Variants in GCLM observed in about 807,000 individuals in gnomAD.
GCLM encodes glutamate--cysteine ligase regulatory subunit.
GCLM carries 15 observed loss-of-function variants against 36.0 expected under a neutral mutation model. The ratio of observed to expected loss-of-function variants is 0.42; its 90% confidence interval spans 0.28 to 0.64. GCLM has a LOEUF of 0.64. Ranked by LOEUF, GCLM falls within the 30% of genes least tolerant of loss-of-function variation. The probability of loss-of-function intolerance (pLI) is 0.25; values close to 1 mark genes in which losing one functional copy is unlikely to be tolerated. For missense variants in GCLM, 242 were observed against 325.5 expected (o/e 0.74, Z 1.97); for synonymous variants, 129 against 122.8 (o/e 1.05, Z -0.34).
chr1:93,887,714 C>T lies in GCLM; in HGVS notation c.*1276G>A, dbSNP rs1243482084. ...CAAACTCCTGACCTCGTGATCTGCCCACCTCGGCCTCCCAAAGTGCTGGGA... is the reference window on the plus strand; with the variant it reads ...CAAACTCCTGACCTCGTGATCTGCCTACCTCGGCCTCCCAAAGTGCTGGGA... On this transcript the variant is annotated 3_prime_UTR_variant, in exon 7 of 7. Coordinates refer to ENST00000370238, the MANE Select transcript of GCLM (RefSeq NM_002061.4). 1.3e-5 allele frequency: 2 copies of T among 151,666 alleles called. No homozygotes were observed. Among genetic ancestry groups the T allele is most frequent in the Admixed American group, 6.6e-5 (1 of 15,244 alleles). 9.4% of individuals were successfully genotyped at this position (151,666 alleles called of 1,614,324 possible). A position where few individuals can be genotyped will look rare whatever the true frequency, so the allele number is the denominator to read the frequency against.
At chr1:93,899,955 T>C (rs957952634) in intron 3 of GCLM, among the ~76,000 whole-genome samples, 2 of 151,774 alleles carry the variant, frequency 1.3e-5, no homozygotes, top group Admixed American at 1.3e-4. Flanking sequence ...ACAAAAAAAA[T>C]CAAAAGAGGA....
At chr1:93,897,796 T>C in intron 4 of GCLM, 43 bp downstream of exon 4, 1 of 1,045,740 alleles carries the variant, frequency 9.6e-7, no homozygotes, top group Non-Finnish European at 1.4e-6. Context: ...CCTATACTAA[T>C]TTAAAGTCCA....
At position 93,904,731 on chromosome 1, in the gene GCLM, C is replaced by T. The variant is rs1267784964; in HGVS notation, c.127-143G>A. ...CATACAAACCCCAATTTTAATCCTACAAGGTTTTTGTTTCCTTCAACATAC... is the reference window on the plus strand; with the variant it reads ...CATACAAACCCCAATTTTAATCCTATAAGGTTTTTGTTTCCTTCAACATAC... On this transcript the variant is annotated intron_variant, in intron 1 of 6. Coordinates refer to ENST00000370238, the MANE Select transcript of GCLM (RefSeq NM_002061.4). 10 of 613,102 alleles carry T rather than the reference C, an allele frequency of 1.6e-5. No homozygotes were observed. The East Asian group carries it at 2.9e-4, about 18-fold the overall frequency. The allele number at this position is 613,102 out of a possible 1,614,324, so 38.0% of individuals were successfully genotyped here.
At chr1:93,903,139 G>C (rs1314461540) in intron 2 of GCLM, among the ~76,000 whole-genome samples, 1 of 151,934 alleles carries the variant, frequency 6.6e-6, no homozygotes, top group Non-Finnish European at 1.5e-5. Flanking sequence ...TCAAATTTTA[G>C]CAATTATGAA....
chr1:93,888,716 T>C lies in GCLM; in HGVS notation c.*274A>G. ...AAATTTTCTTGATTTATATTAGTCA[T>C]AAAAATAAAGGAAAAATATATTGCA... On this transcript the variant is annotated 3_prime_UTR_variant, in exon 7 of 7. Coordinates refer to ENST00000370238, the MANE Select transcript of GCLM (RefSeq NM_002061.4). The C allele has an allele frequency of 4.4e-6, 1 of 225,332 alleles. No homozygotes were observed. The highest frequency in any genetic ancestry group is 8.5e-6 in the Non-Finnish European group (1 of 117,006). The allele number at this position is 225,332 out of a possible 1,614,324, so 14.0% of individuals were successfully genotyped here. A position where few individuals can be genotyped will look rare whatever the true frequency, so the allele number is the denominator to read the frequency against.
intron 5 of GCLM, 28 bp downstream of exon 5, chr1:93,896,590 G>C: frequency 1.3e-6 from 2 of 1,564,178 alleles, no homozygotes; most frequent in Non-Finnish European, 1.8e-6. Context: ...GTTCTTCCTG[G>C]AGTGCTCATG....
chr1:93,907,714 T>C (rs1242110500), intron 1 of GCLM, among the ~76,000 whole-genome samples: 4 of 152,034 alleles, frequency 2.6e-5, no homozygotes, highest in Admixed American at 1.3e-4. Flanking sequence ...AAGTAGGTGG[T>C]TTAAATAAAA....
chr1:93,907,423 G>C (rs545311787), intron 1 of GCLM, among the ~76,000 whole-genome samples: 1 of 152,038 alleles, frequency 6.6e-6, no homozygotes, highest in East Asian at 1.9e-4. Flanking sequence ...CAGAATATAC[G>C]GTATAAGGGC....
chr1:93,896,789 A>G lies in GCLM; in HGVS notation c.369T>C (p.Asp123=). 2 of 1,608,250 alleles carry G rather than the reference A, an allele frequency of 1.2e-6. No homozygotes were observed. The highest frequency in any genetic ancestry group is 1.7e-6 in the Non-Finnish European group (2 of 1,174,522). The part of the protein sequence containing the change: ...ACSVLGVAQL[D]SVIIASPPIE... ...TAGGAGGTGAAGCAATGATCACAGAATCCAGCTGTGCAACTCCAAGGACTG... is the reference window on the plus strand; with the variant it reads ...TAGGAGGTGAAGCAATGATCACAGAGTCCAGCTGTGCAACTCCAAGGACTG... Residue 123 remains aspartate, a synonymous_variant, in exon 5 of 7, where the codon GAT becomes GAC. Coordinates refer to ENST00000370238, the MANE Select transcript of GCLM (RefSeq NM_002061.4).
rs1054636193 is a variant in GCLM, at chr1:93,886,638, T to C, written c.*2352A>G. The C allele has an allele frequency of 5.3e-5, 8 of 152,104 alleles. No homozygotes were observed. Among genetic ancestry groups the C allele is most frequent in the African/African-American group, 1.9e-4 (8 of 41,428 alleles). The allele number at this position is 152,104 out of a possible 1,614,324, so 9.4% of individuals were successfully genotyped here. On this transcript the variant is annotated 3_prime_UTR_variant, in exon 7 of 7. Transcript: ENST00000370238. ...AAGAGTTGAGGGTGCAGGTAGGAGA[T>C]CACCAAAAAGCTCTGCTGAAGTTTA...
intron 5 of GCLM, among the ~76,000 whole-genome samples, chr1:93,895,706 A>T (rs76729053): frequency 0.013 from 1,984 of 152,284 alleles, 37 homozygotes; most frequent in African/African-American, 0.045. Context: ...GCTGAAGAAG[A>T]AGTAAAAGGA....
intron 2 of GCLM, 143 bp downstream of exon 2, chr1:93,904,380 G>A: frequency 1.5e-6 from 1 of 666,558 alleles, no homozygotes; most frequent in Admixed American, 2.4e-5. Flanking sequence ...TACTGGATCA[G>A]AGTGCCGTCT....
intron 5 of GCLM, among the ~76,000 whole-genome samples, chr1:93,895,771 T>A (rs1656704145): frequency 6.6e-6 from 1 of 152,146 alleles, no homozygotes; most frequent in African/African-American, 2.4e-5. Context: ...TTCCTAATAA[T>A]TTTGTAGGTT....
chr1:93,900,216 A>G (rs187917579), intron 3 of GCLM, among the ~76,000 whole-genome samples: 79 of 152,040 alleles, frequency 5.2e-4, no homozygotes, highest in African/African-American at 1.8e-3. Context: ...GCCCCCCCCA[A>G]TACTATTTCT....
At chr1:93,891,702 C>A (rs1397479717) in intron 6 of GCLM, among the ~76,000 whole-genome samples, 1 of 152,142 alleles carries the variant, frequency 6.6e-6, no homozygotes, top group African/African-American at 2.4e-5. Context: ...CCACTGGGGT[C>A]AGAAGCAACC....
chr1:93,905,358 C>T (rs905323205), intron 1 of GCLM, among the ~76,000 whole-genome samples: 3 of 152,206 alleles, frequency 2.0e-5, no homozygotes, highest in Admixed American at 6.5e-5. Flanking sequence ...CTCAGATTCA[C>T]CTGTGCTGTT....
chr1:93,889,905 A>T (rs913783711), intron 6 of GCLM, among the ~76,000 whole-genome samples: 31 of 149,304 alleles, frequency 2.1e-4, no homozygotes, highest in South Asian at 4.2e-4. Context: ...TTTTTTAAAA[A>T]ATATATATAT....
chr1:93,901,814 C>T, intron 2 of GCLM, 145 bp from the exon 3 acceptor site: 3 of 562,038 alleles, frequency 5.3e-6, no homozygotes, highest in Non-Finnish European at 9.4e-6. Flanking sequence ...GTGGGCTTCA[C>T]AAGGGTTGTA....
chr1:93,907,063 T>C (rs544847901), intron 1 of GCLM, among the ~76,000 whole-genome samples: 5 of 152,208 alleles, frequency 3.3e-5, no homozygotes, highest in Non-Finnish European at 7.4e-5. Flanking sequence ...TTCTCAAAAA[T>C]AAGTGATTTG....
Sources: allele counts gnomAD v4.1 joint callset (sites outside exome capture counted in the v4.1 genomes callset), GRCh38; gene constraint gnomAD v4.1.1; transcripts MANE v1.5; gene names NCBI Gene and HGNC (gene_info 2026-07-23, HGNC 2026-07-21).